GPATCH2L: variants seen among roughly 807,000 people sequenced by gnomAD.
The protein encoded by GPATCH2L is G-patch domain containing 2 like.
Under a neutral mutation model 57.4 loss-of-function variants are expected in GPATCH2L, and 31 were observed. The observed-to-expected ratio is 0.54, with a 90% CI of 0.41 to 0.73. The LOEUF is 0.73. GPATCH2L is among the 30% of genes least tolerant of loss of function. The probability of loss-of-function intolerance (pLI) is 0.00; values close to 1 mark genes in which losing one functional copy is unlikely to be tolerated. For synonymous variants in GPATCH2L, 199 were observed against 210.7 expected, an observed-to-expected ratio of 0.94 and a Z score of 0.48; for missense variants, 481 against 599.9, an observed-to-expected ratio of 0.80 and a Z score of 2.07.
rs921816669 is a variant in GPATCH2L at position 76,214,029 on chromosome 14, C to T, written c.*12178C>T. The T allele has an allele frequency of 1.3e-5, 2 of 152,104 alleles. No individual in the cohort carries two copies. Among genetic ancestry groups the T allele is most frequent in the South Asian group, 2.1e-4 (1 of 4,830 alleles). The allele number at this position is 152,104 out of a possible 1,614,324, so 9.4% of individuals were successfully genotyped here. On this transcript the variant is annotated 3_prime_UTR_variant, in exon 10 of 10. Transcript: ENST00000261530. ...TGTTTTAACAACTGGCAAGGCTAGT[C>T]CCCCTTATAATTTTTCCTATTGTGC...
chr14:76,216,728 G>T (rs926337206), downstream of GPATCH2L, among the ~76,000 whole-genome samples: 1 of 152,108 alleles, frequency 6.6e-6, no homozygotes, highest in Non-Finnish European at 1.5e-5. Flanking sequence ...AGAGCAGCCC[G>T]AGGAAAACCT....
intron 4 of GPATCH2L, 135 bp from the exon 5 acceptor site, chr14:76,173,411 G>A: frequency 1.7e-6 from 1 of 581,638 alleles, no homozygotes; most frequent in Non-Finnish European, 3.1e-6. Context: ...TAAATCCTTG[G>A]CAAATAGCTC....
chr14:76,230,974 A>G (rs1257320193), intron 2 of GPATCH2L, among the ~76,000 whole-genome samples: 1 of 152,210 alleles, frequency 6.6e-6, no homozygotes, highest in Non-Finnish European at 1.5e-5. Flanking sequence ...GGCCTGTGCC[A>G]TGTTTTTTTA....
chr14:76,220,024 T>C (rs2040507760), intron 1 of GPATCH2L, among the ~76,000 whole-genome samples: 1 of 145,668 alleles, frequency 6.9e-6, no homozygotes, highest in Admixed American at 6.8e-5. Context: ...AATCCCTCCT[T>C]TCATAGCCTT....
intron 2 of GPATCH2L, among the ~76,000 whole-genome samples, chr14:76,230,752 A>G (rs890436410): frequency 1.3e-5 from 2 of 152,238 alleles, no homozygotes; most frequent in Non-Finnish European, 2.9e-5. Context: ...TCTGGAAAGC[A>G]ATTCTTCGAA....
chr14:76,200,340 A>G (rs1022389086), intron 9 of GPATCH2L, among the ~76,000 whole-genome samples: 1 of 152,212 alleles, frequency 6.6e-6, no homozygotes, highest in African/African-American at 2.4e-5. Flanking sequence ...TGTATATTTT[A>G]CTATAATAAA....
chr14:76,235,517 A>G (rs1219621785), intron 2 of GPATCH2L, among the ~76,000 whole-genome samples: 1 of 152,176 alleles, frequency 6.6e-6, no homozygotes, highest in Non-Finnish European at 1.5e-5. Context: ...AGCCATGTGG[A>G]ACTATGAATC....
At chr14:76,181,390 C>T (rs1008833246) in intron 8 of GPATCH2L, among the ~76,000 whole-genome samples, 6 of 152,246 alleles carry the variant, frequency 3.9e-5, no homozygotes, top group East Asian at 1.9e-4. Context: ...GAGGACCACT[C>T]AGACCATCCC....
intron 1 of GPATCH2L, chr14:76,229,774 G>A (rs1487893887): frequency 6.6e-6 from 1 of 152,032 alleles, no homozygotes; most frequent in African/African-American, 2.4e-5. Context: ...CTATGCAGTG[G>A]GACTCACTGT....
rs80064629 is a variant in GPATCH2L at position 76,212,965 on chromosome 14, A to G, written c.*11114A>G. On this transcript the variant is annotated 3_prime_UTR_variant, in exon 10 of 10. Transcript: ENST00000261530. ...AAAAAACATTTCATATCTAAAATAT[A>G]AACTTGTTCCTCTGAGATACAAATA... The G allele has an allele frequency of 3.7e-4, 57 of 152,292 alleles. No individual in the cohort carries two copies. Among genetic ancestry groups the G allele is most frequent in the Non-Finnish European group, 5.7e-4 (39 of 68,020 alleles). The allele number at this position is 152,292 out of a possible 1,614,324, so 9.4% of individuals were successfully genotyped here. A position where few individuals can be genotyped will look rare whatever the true frequency, so the allele number is the denominator to read the frequency against.
chr14:76,180,972 T>TA, intron 8 of GPATCH2L, 123 bp downstream of exon 8: 1 of 658,532 alleles, frequency 1.5e-6, no homozygotes, highest in South Asian at 1.9e-5. Flanking sequence ...TCTTTTGAGG[T>TA]AAATAGATGT....
chr14:76,218,565 C>T (rs774805697), downstream of GPATCH2L, among the ~76,000 whole-genome samples: 8 of 151,800 alleles, frequency 5.3e-5, no homozygotes, highest in Non-Finnish European at 1.2e-4. Context: ...CATAGAAATA[C>T]GCAGCATCAT....
At chr14:76,192,399 C>T (rs774822954) in intron 8 of GPATCH2L, among the ~76,000 whole-genome samples, 4 of 152,110 alleles carry the variant, frequency 2.6e-5, no homozygotes, top group Non-Finnish European at 5.9e-5. Flanking sequence ...AAAATGTCCT[C>T]ATATACTGAC....
chr14:76,229,841 A>G (rs1015361581), exon 2 of GPATCH2L: 2 of 152,192 alleles, frequency 1.3e-5, no homozygotes, highest in Non-Finnish European at 2.9e-5. Flanking sequence ...CCCTGAGACA[A>G]CACTCGGAGG....
intron 8 of GPATCH2L, among the ~76,000 whole-genome samples, chr14:76,182,984 A>G (rs1461825866): frequency 6.6e-6 from 1 of 152,250 alleles, no homozygotes; most frequent in Admixed American, 6.5e-5. Flanking sequence ...ACTGTTTGGG[A>G]AAATGATTTG....
At chr14:76,190,234 A>G (rs2039917994) in intron 8 of GPATCH2L, among the ~76,000 whole-genome samples, 1 of 152,138 alleles carries the variant, frequency 6.6e-6, no homozygotes, top group South Asian at 2.1e-4. Context: ...GTAAAAAAGA[A>G]AATAGAAATG....
chr14:76,182,464 T>C (rs922228627), intron 8 of GPATCH2L, among the ~76,000 whole-genome samples: 2 of 148,490 alleles, frequency 1.3e-5, no homozygotes, highest in African/African-American at 4.9e-5. Context: ...TGTACACCTG[T>C]AGTCTCAGCT....
intron 4 of GPATCH2L, 58 bp from the exon 5 acceptor site, chr14:76,173,488 A>G (rs999203676): frequency 1.1e-5 from 12 of 1,095,156 alleles, no homozygotes; most frequent in South Asian, 9.6e-5. Flanking sequence ...TACTAGAAAC[A>G]TAGGATTGCA....
At chr14:76,224,708 C>T (rs574789107) in intron 1 of GPATCH2L, among the ~76,000 whole-genome samples, 2 of 152,108 alleles carry the variant, frequency 1.3e-5, no homozygotes. Context: ...AAAGAAGTTA[C>T]AGACTGCAAA....
Sources: allele counts gnomAD v4.1 joint callset (sites outside exome capture counted in the v4.1 genomes callset), GRCh38; gene constraint gnomAD v4.1.1; transcripts MANE v1.5; gene names NCBI Gene and HGNC (gene_info 2026-07-23, HGNC 2026-07-21).